ELANE: variants seen among roughly 807,000 people sequenced by gnomAD.
ELANE encodes the protein elastase, neutrophil expressed.
Under a neutral mutation model 20.6 loss-of-function variants are expected in ELANE, and 12 were observed. The observed-to-expected ratio is 0.58, with a 90% confidence interval of 0.37 to 0.94. The LOEUF is 0.94. Ranked by LOEUF, ELANE falls within the 40% of genes least tolerant of loss-of-function variation. ELANE has a pLI of 0.01. For missense variants in ELANE, 388 were observed against 395.2 expected, an observed-to-expected ratio of 0.98 and a Z score of 0.15; for synonymous variants, 203 against 177.4, an observed-to-expected ratio of 1.14 and a Z score of -1.15.
At position 856,190 on chromosome 19, in the gene ELANE, T is replaced by A. The variant is rs2035679935; in HGVS notation, c.*26T>A. On this transcript the variant is annotated 3_prime_UTR_variant, in exon 5 of 5. Coordinates refer to ENST00000263621, the MANE Select transcript of ELANE (RefSeq NM_001972.4). ...GAAGGGCTGCCCGGGTCACCTCAGC[T>A]GCCCACACCCACACTCTCCAGCATC... 6.2e-7 allele frequency: 1 copy of A among 1,610,092 alleles called. No individual in the cohort carries two copies. The highest frequency in any genetic ancestry group is 1.1e-5 in the South Asian group (1 of 91,028).
At chr19:854,079 C>A (rs2035636236) in intron 3 of ELANE, among the ~76,000 whole-genome samples, 1 of 152,220 alleles carries the variant, frequency 6.6e-6, no homozygotes, top group African/African-American at 2.4e-5. Context: ...AGGGCAGGGG[C>A]CGCCTCTGTC....
Position 852,350 on chromosome 19 carries a change from G to T in ELANE, c.22G>T (p.Ala8Ser). Residue 8 changes from alanine to serine, a missense_variant, in exon 1 of 5, where the codon GCG (alanine) becomes TCG (serine). Coordinates refer to ENST00000263621, the MANE Select transcript of ELANE (RefSeq NM_001972.4). ...CACCATGACCCTCGGCCGCCGACTC[G>T]CGTGTCTTTTCCTCGCCTGTGTCCT... is the stretch of plus-strand genomic sequence containing the variant. MTLGRRLACLFLACVLPA... is the reference protein window; with the variant it reads MTLGRRLSCLFLACVLPA... The T allele has an allele frequency of 6.2e-7, 1 of 1,610,990 alleles. No homozygotes were observed.
At chr19:853,223 C>T (rs1487351140) in intron 2 of ELANE, 39 bp from the exon 3 acceptor site, 4 of 1,554,042 alleles carry the variant, frequency 2.6e-6, no homozygotes, top group Admixed American at 1.9e-5. Flanking sequence ...CCCCGACCCC[C>T]GGGGCCGCCC....
Position 852,730 on chromosome 19 carries a change from C to CGATCCCGTGGGTTCCCGGTGGGG in ELANE, c.68-107_68-85dup, listed in dbSNP as rs200116667. ...TGAACAACAGGGGTGCGAACGGCCC[C>CGATCCCGTGGGTTCCCGGTGGGG]GATCCCGTGGGTTCCCGGTGGGGGA... On this transcript the variant is annotated intron_variant, in intron 1 of 4. Coordinates refer to ENST00000263621, the MANE Select transcript of ELANE (RefSeq NM_001972.4). 4,424 of 1,266,516 alleles carry CGATCCCGTGGGTTCCCGGTGGGG rather than the reference C, an allele frequency of 3.5e-3. 38 individuals carry two copies. Among genetic ancestry groups the CGATCCCGTGGGTTCCCGGTGGGG allele is most frequent in the African/African-American group, 0.016 (1,024 of 65,096 alleles). The allele number at this position is 1,266,516 out of a possible 1,614,324, so 78.5% of individuals were successfully genotyped here.
intron 1 of ELANE, 29 bp downstream of exon 1, chr19:852,424 C>A: frequency 6.2e-7 from 1 of 1,601,594 alleles, no homozygotes; most frequent in African/African-American, 1.3e-5. Flanking sequence ...CCTCCCGCTG[C>A]TCCCTCTGTC....
Position 855,454 on chromosome 19 carries a change from G to A in ELANE, c.367-110G>A. 1 of 1,244,548 alleles carries A rather than the reference G, an allele frequency of 8.0e-7. No individual in the cohort carries two copies. The highest frequency in any genetic ancestry group is 2.0e-5 in the Admixed American group (1 of 50,716). The allele number at this position is 1,244,548 out of a possible 1,614,324, so 77.1% of individuals were successfully genotyped here. ...GTGGGGTGGGTATCCTGCCCTGCAGGATCCCAGAACCACAGTGGAACCTGA... is the reference window on the plus strand; with the variant it reads ...GTGGGGTGGGTATCCTGCCCTGCAGAATCCCAGAACCACAGTGGAACCTGA... On this transcript the variant is annotated intron_variant, in intron 3 of 4. Coordinates refer to ENST00000263621, the MANE Select transcript of ELANE (RefSeq NM_001972.4). This position sits in a 1 kb window ranked among gnomAD's most constrained non-coding sequence, Gnocchi z 6.2.
chr19:855,765 G>T lies in ELANE; in HGVS notation c.568G>T (p.Val190Leu). 6.2e-7 allele frequency: 1 copy of T among 1,609,182 alleles called. No individual in the cohort carries two copies. Among genetic ancestry groups the T allele is most frequent in the African/African-American group, 1.3e-5 (1 of 75,026 alleles). ...CCGTCGCAGCAACGTCTGCACTCTC[G>T]TGAGGGGCCGGCAGGCCGGCGTCTG... Reference protein sequence around the residue: ...LCRRSNVCTLVRGRQAGVCFG... With the variant: ...LCRRSNVCTLLRGRQAGVCFG... Residue 190 changes from valine to leucine, a missense_variant, in exon 4 of 5, where the codon GTG (valine) becomes TTG (leucine). This residue lies in a region of ELANE where 321 missense variants were observed against 309.8 expected (regional missense o/e 1.04). Transcript: ENST00000263621. The surrounding 1 kb of genome is among the most constrained non-coding windows in gnomAD (Gnocchi z 6.2).
At chr19:853,092 G>A in intron 2 of ELANE, 60 bp downstream of exon 2, 4 of 1,519,244 alleles carry the variant, frequency 2.6e-6, no homozygotes, top group Non-Finnish European at 3.5e-6. Context: ...TGTGAGGTGG[G>A]TGGGGGGAGG....
In ELANE at chr19:852,949, G is replaced by A. The variant is rs2145144089; in HGVS notation, c.141G>A (p.Leu47=). 3 of 1,595,602 alleles carry A rather than the reference G, an allele frequency of 1.9e-6. No homozygotes were observed. Among genetic ancestry groups the A allele is most frequent in the Non-Finnish European group, 8.5e-7 (1 of 1,177,086 alleles). Residue 47 remains leucine (L), a synonymous_variant, in exon 2 of 5, where the codon CTG becomes CTA. Coordinates refer to ENST00000263621, the MANE Select transcript of ELANE (RefSeq NM_001972.4). ...RPHAWPFMVS[L]QLRGGHFCGA... ...ACGCGTGGCCCTTCATGGTGTCCCT[G>A]CAGCTGCGCGGAGGCCACTTCTGCG...
chr19:855,663 TG>T lies in ELANE; in HGVS notation c.470del (p.Gly157AlafsTer18). 6.2e-7 allele frequency: 1 copy of T among 1,608,176 alleles called. No homozygotes were observed. On this transcript the variant is annotated frameshift_variant, in exon 4 of 5. Transcript: ENST00000263621. LOFTEE classifies it high-confidence loss of function. The surrounding 1 kb of genome is among the most constrained non-coding windows in gnomAD (Gnocchi z 6.2). Reference protein sequence around the residue: ...GNGVQCLAMGWGLLGRNRGIA... With the variant: ...GNGVQCLAMGXGLLGRNRGIA... ...CGGGGTGCAGTGCCTGGCCATGGGC[TG>T]GGGCCTTCTGGGCAGGAACCGTGGG...
Position 852,352 on chromosome 19 carries a change from G to C in ELANE, c.24G>C (p.Ala8=), listed in dbSNP as rs199901033. The C allele has an allele frequency of 3.1e-6, 5 of 1,611,128 alleles. No homozygotes were observed. The highest frequency in any genetic ancestry group is 4.2e-6 in the Non-Finnish European group (5 of 1,179,926). Residue 8 remains alanine, a synonymous_variant, in exon 1 of 5, where the codon GCG becomes GCC. Transcript: ENST00000263621. ...CCATGACCCTCGGCCGCCGACTCGCGTGTCTTTTCCTCGCCTGTGTCCTGC... is the reference window on the plus strand; with the variant it reads ...CCATGACCCTCGGCCGCCGACTCGCCTGTCTTTTCCTCGCCTGTGTCCTGC... MTLGRRL[A]CLFLACVLPA... is the part of the protein sequence containing the mutation.
chr19:852,390 T>TG lies in ELANE; in HGVS notation c.67+1dup. 6.2e-7 allele frequency: 1 copy of TG among 1,611,308 alleles called. No individual in the cohort carries two copies. ...GCCTGTGTCCTGCCGGCCTTGCTGC[T>TG]GGGGGGTGAGTTTTTGAGTCCAACC... On this transcript the variant is annotated frameshift_variant, in exon 1 of 5. Coordinates refer to ENST00000263621, the MANE Select transcript of ELANE (RefSeq NM_001972.4). LOFTEE classifies it high-confidence loss of function.
chr19:852,493 A>C, intron 1 of ELANE, 98 bp downstream of exon 1: 7 of 1,419,464 alleles, frequency 4.9e-6, no homozygotes, highest in Non-Finnish European at 6.7e-6. Flanking sequence ...CCTCATCCTC[A>C]CAGGGGAGGT....
intron 3 of ELANE, among the ~76,000 whole-genome samples, chr19:853,665 C>G (rs1287721209): frequency 6.6e-6 from 1 of 151,642 alleles, no homozygotes; most frequent in African/African-American, 2.4e-5. Context: ...AGGGAGGCCC[C>G]GATCTGTTGT....
chr19:852,730 C>CGATCCCGTGGGTGCCCGGTGGGG, intron 1 of ELANE, 146 bp from the exon 2 acceptor site: 1 of 1,266,496 alleles, frequency 7.9e-7, no homozygotes, highest in Non-Finnish European at 1.1e-6. Flanking sequence ...CGAACGGCCC[C>CGATCCCGTGGGTGCCCGGTGGGG]GATCCCGTGG....
chr19:852,601 G>GC (rs1369971026), intron 1 of ELANE, among the ~76,000 whole-genome samples: 2 of 142,014 alleles, frequency 1.4e-5, no homozygotes, highest in Non-Finnish European at 3.1e-5. Flanking sequence ...GGGAGGGGGG[G>GC]GGGGTCGCAG....
intron 1 of ELANE, 36 bp from the exon 2 acceptor site, chr19:852,840 G>C: frequency 1.3e-6 from 2 of 1,587,678 alleles, no homozygotes; most frequent in Non-Finnish European, 1.7e-6. Context: ...AGGCTCCTTG[G>C]CAGGCACTCA....
rs886038502 is a variant in ELANE at position 856,102 on chromosome 19, C to T, written c.742C>T (p.Arg248Cys). Residue 248 changes from arginine to cysteine, a missense_variant, in exon 5 of 5, where the codon CGC becomes TGC. Coordinates refer to ENST00000263621, the MANE Select transcript of ELANE (RefSeq NM_001972.4). ...AAACTGGATCGACTCTATCATCCAACGCTCCGAGGACAACCCCTGTCCCCA... is the reference window on the plus strand; with the variant it reads ...AAACTGGATCGACTCTATCATCCAATGCTCCGAGGACAACCCCTGTCCCCA... ...FVNWIDSIIQRSEDNPCPHPR... is the reference protein window; with the variant it reads ...FVNWIDSIIQCSEDNPCPHPR... The T allele has an allele frequency of 3.1e-6, 5 of 1,613,250 alleles. No homozygotes were observed. The highest frequency in any genetic ancestry group is 1.1e-5 in the South Asian group (1 of 91,084).
intron 3 of ELANE, among the ~76,000 whole-genome samples, chr19:853,712 T>C (rs962923465): frequency 3.7e-4 from 51 of 137,204 alleles, no homozygotes; most frequent in African/African-American, 1.3e-3. Context: ...GGCCCCGATC[T>C]GTTGTCAATC....
Sources: allele counts gnomAD v4.1 joint callset (sites outside exome capture counted in the v4.1 genomes callset), GRCh38; gene constraint gnomAD v4.1.1; regional missense constraint gnomAD v4.1.1; non-coding constraint Gnocchi (gnomAD v3.1); transcripts MANE v1.5; gene names NCBI Gene and HGNC (gene_info 2026-07-23, HGNC 2026-07-21).